TMEM245: variants seen among roughly 807,000 people sequenced by gnomAD.
TMEM245 encodes protein CG-2.
A neutral mutation model predicts 101.2 loss-of-function variants in TMEM245; 69 were observed. That is an observed-to-expected ratio of 0.68 (90% confidence interval 0.56 to 0.83). The LOEUF is 0.83. Ranked by LOEUF, TMEM245 falls within the 40% of genes least tolerant of loss-of-function variation. TMEM245 has a pLI of 0.00. For synonymous variants in TMEM245, 537 were observed against 449.8 expected (o/e 1.19, Z -2.45); for missense variants, 1,075 against 1,092.8 (o/e 0.98, Z 0.23).
chr9:109,059,214 T>G (rs1188682229), intron 11 of TMEM245, among the ~76,000 whole-genome samples: 1 of 152,168 alleles, frequency 6.6e-6, no homozygotes, highest in Non-Finnish European at 1.5e-5. Context: ...TCCCTGAATA[T>G]TTTTTCCCAA....
At chr9:109,076,422 C>A in intron 8 of TMEM245, among the ~76,000 whole-genome samples, 1 of 151,854 alleles carries the variant, frequency 6.6e-6, no homozygotes, top group Admixed American at 6.6e-5. Context: ...AGGAGATACA[C>A]CTAATGTAAA....
intron 8 of TMEM245, among the ~76,000 whole-genome samples, chr9:109,078,898 G>T (rs1829593244): frequency 1.3e-5 from 2 of 152,066 alleles, no homozygotes; most frequent in Admixed American, 6.6e-5. Context: ...CTAGATGTTT[G>T]ATATTGTCCC....
chr9:109,073,606 T>C (rs941937278), intron 8 of TMEM245, among the ~76,000 whole-genome samples, 168 bp from the exon 9 acceptor site: 8 of 152,268 alleles, frequency 5.3e-5, no homozygotes, highest in Non-Finnish European at 1.0e-4. Context: ...ACATTATATC[T>C]AATGATACGC....
At chr9:109,042,870 G>A (rs1828357430) in intron 14 of TMEM245, among the ~76,000 whole-genome samples, 1 of 116,560 alleles carries the variant, frequency 8.6e-6, no homozygotes, top group South Asian at 2.8e-4. Context: ...TTTTGAGACT[G>A]GGTGTCAATC....
At chr9:109,038,443 T>C in intron 14 of TMEM245, 1 of 183,830 alleles carries the variant, frequency 5.4e-6, no homozygotes, top group Non-Finnish European at 1.1e-5. Context: ...GAAGCAGATA[T>C]TTCACCACCA....
At chr9:109,031,440 G>A (rs1246120247) in intron 17 of TMEM245, among the ~76,000 whole-genome samples, 1 of 152,114 alleles carries the variant, frequency 6.6e-6, no homozygotes, top group Non-Finnish European at 1.5e-5. Flanking sequence ...AATGAACCAT[G>A]AACAGAGAAA....
chr9:109,036,706 A>C (rs1828136193), intron 15 of TMEM245, among the ~76,000 whole-genome samples: 1 of 152,220 alleles, frequency 6.6e-6, no homozygotes, highest in Admixed American at 6.5e-5. Flanking sequence ...CACCTACAGA[A>C]CATGTGTCAA....
chr9:109,106,172 C>T (rs1050781397), intron 3 of TMEM245, among the ~76,000 whole-genome samples: 15 of 140,372 alleles, frequency 1.1e-4, no homozygotes, highest in Non-Finnish European at 1.9e-4. Flanking sequence ...TTACAGTGAG[C>T]TATGATTGTG....
intron 7 of TMEM245, among the ~76,000 whole-genome samples, chr9:109,085,409 A>C (rs769278309): frequency 3.9e-5 from 6 of 152,268 alleles, no homozygotes; most frequent in Non-Finnish European, 7.3e-5. Flanking sequence ...AATCATGTGA[A>C]GCATTTACCA....
rs1230759711 is a variant in TMEM245 at position 109,033,435 on chromosome 9, T to G, written c.2466A>C (p.Gly822=). ...AGAGAAGAATAGGACCGATGATTGC[T>G]CCTTCCAGGCCTAGGTAGTATGCTC... ...AGGAYYLGLE[G]AIIGPILLCI... The change falls in exon 17 of 18, where the codon GGA becomes GGC. Residue 822 remains glycine, a synonymous_variant. Coordinates refer to ENST00000374586, the MANE Select transcript of TMEM245 (RefSeq NM_032012.4). The G allele has an allele frequency of 1.2e-5, 20 of 1,613,958 alleles. No homozygotes were observed. The highest frequency in any genetic ancestry group is 1.7e-5 in the Non-Finnish European group (20 of 1,179,984).
intron 4 of TMEM245, among the ~76,000 whole-genome samples, chr9:109,091,816 T>G (rs1399038852): frequency 1.3e-5 from 2 of 152,158 alleles, no homozygotes; most frequent in Non-Finnish European, 2.9e-5. Context: ...ATTTCCTAGT[T>G]TTAATAAGAT....
At chr9:109,026,599 G>C (rs72760305) in intron 17 of TMEM245, among the ~76,000 whole-genome samples, 22,289 of 150,900 alleles carry the variant, frequency 0.15, 1,864 homozygotes, top group African/African-American at 0.19. Context: ...AGAACTAAGA[G>C]GCAAAAGCAA....
In TMEM245 at chr9:109,091,705, T is replaced by C. The variant is rs368665986; in HGVS notation, c.917-550A>G. Among the ~76,000 whole-genome samples, 1,095 of 152,260 alleles carry C rather than the reference T, an allele frequency of 7.2e-3. 13 individuals carry two copies. Among genetic ancestry groups the C allele is most frequent in the African/African-American group, 0.025 (1,042 of 41,550 alleles). The stretch of plus-strand genomic sequence containing the variant: ...AATGACAGATTTCTTGGGTGAGGAT[T>C]TTCAAATAAAGGAAACCATACTGGA... On this transcript the variant is annotated intron_variant, in intron 4 of 17. Transcript: ENST00000374586.
At chr9:109,062,760 C>T (rs1484913438) in intron 10 of TMEM245, among the ~76,000 whole-genome samples, 1 of 152,174 alleles carries the variant, frequency 6.6e-6, no homozygotes, top group Admixed American at 6.5e-5. Context: ...TGCGTAAGCA[C>T]AGGAGTTCGA....
At chr9:109,090,839 T>C in intron 5 of TMEM245, 83 bp downstream of exon 5, 1 of 1,274,578 alleles carries the variant, frequency 7.8e-7, no homozygotes, top group Non-Finnish European at 1.1e-6. Flanking sequence ...TAAATGTATC[T>C]CAAATATTAA....
chr9:109,118,336 A>T (rs774590960), intron 1 of TMEM245, among the ~76,000 whole-genome samples: 9 of 152,228 alleles, frequency 5.9e-5, no homozygotes, highest in Admixed American at 3.3e-4. Flanking sequence ...CAACTTAATG[A>T]CGTCAAGGTA....
chr9:109,029,952 C>T (rs1478941333), intron 17 of TMEM245, among the ~76,000 whole-genome samples: 2 of 152,054 alleles, frequency 1.3e-5, no homozygotes, highest in South Asian at 2.1e-4. Context: ...AAGCAAAAGT[C>T]GTATGGGTAA....
At position 109,042,826 on chromosome 9, in the gene TMEM245, G is replaced by GGT. The variant is rs534235629; in HGVS notation, c.2124-4711_2124-4710dup. The stretch of plus-strand genomic sequence containing the variant: ...TCTTCTTTCATTAAAAATAAATAAA[G>GGT]GTATAGCTGACAATTTTTTTTTTTT... On this transcript the variant is annotated intron_variant, in intron 14 of 17. Transcript: ENST00000374586. Among the ~76,000 whole-genome samples, 368 of 148,394 alleles carry GGT rather than the reference G, an allele frequency of 2.5e-3. 1 individual carries two copies. Among genetic ancestry groups the GGT allele is most frequent in the African/African-American group, 8.9e-3 (356 of 39,926 alleles).
At position 109,018,498 on chromosome 9, in the gene TMEM245, C is replaced by A. The variant is rs1043099103; in HGVS notation, c.*1962G>T. 5 of 151,990 alleles carry A rather than the reference C, an allele frequency of 3.3e-5. No homozygotes were observed. Among genetic ancestry groups the A allele is most frequent in the Non-Finnish European group, 7.4e-5 (5 of 68,000 alleles). The allele number at this position is 151,990 out of a possible 1,614,324, so 9.4% of individuals were successfully genotyped here. On this transcript the variant is annotated 3_prime_UTR_variant, in exon 18 of 18. Coordinates refer to ENST00000374586, the MANE Select transcript of TMEM245 (RefSeq NM_032012.4). ...ACTCAGTGGAATAGCTGATTATAATCGCTAAAATATTCATAATAGAAATAA... is the reference window on the plus strand; with the variant it reads ...ACTCAGTGGAATAGCTGATTATAATAGCTAAAATATTCATAATAGAAATAA...
Sources: allele counts gnomAD v4.1 joint callset (sites outside exome capture counted in the v4.1 genomes callset), GRCh38; gene constraint gnomAD v4.1.1; transcripts MANE v1.5; gene names NCBI Gene and HGNC (gene_info 2026-07-23, HGNC 2026-07-21).